The following AUTS2 variants were observed in gnomAD, a reference collection of about 807,000 sequenced individuals.
AUTS2 encodes the protein autism susceptibility gene 2 protein.
In AUTS2, 17 loss-of-function variants were observed where a neutral mutation model predicts 112.4. The observed-to-expected ratio is 0.15, with a 90% CI of 0.10 to 0.23. The LOEUF is 0.23. Among genes scored for constraint, AUTS2 ranks in the 10% least tolerant of loss-of-function variants. AUTS2 has a pLI of 1.00. For missense variants in AUTS2, 1,510 were observed against 1,701.6 expected (o/e 0.89, Z 1.98); for synonymous variants, 751 against 702.7 (o/e 1.07, Z -1.09).
intron 8 of AUTS2, among the ~76,000 whole-genome samples, chr7:70,765,443 GGGA>G (rs1789876641): frequency 6.6e-6 from 1 of 152,038 alleles, no homozygotes; most frequent in African/African-American, 2.4e-5. Context: ...CTGTCTCCTT[GGGA>G]GGAGATGACA....
intron 5 of AUTS2, among the ~76,000 whole-genome samples, chr7:70,581,169 G>A (rs1285460801): frequency 1.3e-5 from 2 of 152,082 alleles, no homozygotes; most frequent in African/African-American, 2.4e-5. Flanking sequence ...GATCACCTGA[G>A]GTCGGGAGTT....
chr7:70,700,638 T>G (rs1437044678), intron 6 of AUTS2, among the ~76,000 whole-genome samples: 2 of 152,112 alleles, frequency 1.3e-5, no homozygotes, highest in Non-Finnish European at 2.9e-5. Context: ...GGGACAGTTT[T>G]GTTAAGGGGA....
chr7:70,714,586 C>T (rs1244347422), intron 6 of AUTS2, among the ~76,000 whole-genome samples: 1 of 152,208 alleles, frequency 6.6e-6, no homozygotes, highest in Non-Finnish European at 1.5e-5. Context: ...GACACACATA[C>T]TGCATGTCTT....
intron 4 of AUTS2, among the ~76,000 whole-genome samples, chr7:70,149,551 A>T (rs1221824565): frequency 2.0e-5 from 3 of 152,082 alleles, no homozygotes; most frequent in Non-Finnish European, 4.4e-5. Context: ...GAATAAACAT[A>T]ACCAACTTTC....
chr7:70,598,983 C>T (rs1803336732), intron 5 of AUTS2, among the ~76,000 whole-genome samples: 1 of 152,212 alleles, frequency 6.6e-6, no homozygotes, highest in Admixed American at 6.5e-5. Context: ...TCTTAAAATG[C>T]AAGGTTTGTC....
intron 4 of AUTS2, among the ~76,000 whole-genome samples, chr7:70,265,114 G>GA (rs1262383515): frequency 6.6e-6 from 1 of 151,970 alleles, no homozygotes; most frequent in Non-Finnish European, 1.5e-5. Context: ...TTTAATCTGA[G>GA]AAAAAAATAA....
chr7:69,841,523 A>G (rs1791980194), intron 1 of AUTS2, among the ~76,000 whole-genome samples: 2 of 152,230 alleles, frequency 1.3e-5, no homozygotes, highest in South Asian at 2.1e-4. Context: ...TATCCAAACT[A>G]TAACACAAGG....
intron 2 of AUTS2, among the ~76,000 whole-genome samples, chr7:70,013,357 A>G (rs1397143614): frequency 6.6e-6 from 1 of 152,204 alleles, no homozygotes; most frequent in Non-Finnish European, 1.5e-5. Context: ...GATGAGAAGG[A>G]TCTCCAGCCT....
intron 5 of AUTS2, among the ~76,000 whole-genome samples, chr7:70,445,385 T>A (rs551162920): frequency 1.3e-5 from 2 of 152,252 alleles, no homozygotes; most frequent in South Asian, 4.1e-4. Flanking sequence ...CTCACCTACT[T>A]GTGCTGCAAG....
At chr7:69,841,737 T>C (rs1791990468) in intron 1 of AUTS2, among the ~76,000 whole-genome samples, 1 of 152,194 alleles carries the variant, frequency 6.6e-6, no homozygotes, top group African/African-American at 2.4e-5. Flanking sequence ...CAAATCTTGA[T>C]GGGATCTGGC....
chr7:69,975,846 C>A (rs989688042), intron 2 of AUTS2, among the ~76,000 whole-genome samples: 2 of 151,858 alleles, frequency 1.3e-5, no homozygotes, highest in Non-Finnish European at 2.9e-5. Flanking sequence ...CGCTACCATG[C>A]CCAGCTAATT....
intron 3 of AUTS2, among the ~76,000 whole-genome samples, chr7:70,129,334 T>C (rs923563772): frequency 6.6e-6 from 1 of 152,232 alleles, no homozygotes; most frequent in Admixed American, 6.5e-5. Flanking sequence ...CCTTTTGTTC[T>C]TTTCAGACCT....
At chr7:70,134,483 C>G (rs1028550032) in intron 3 of AUTS2, 53 bp from the exon 4 acceptor site, 1 of 1,525,362 alleles carries the variant, frequency 6.6e-7, no homozygotes, top group East Asian at 2.2e-5. Context: ...TGGATTGGAA[C>G]GTGTTAAAAA....
chr7:70,388,154 C>G (rs1327995025), intron 4 of AUTS2, among the ~76,000 whole-genome samples: 2 of 152,084 alleles, frequency 1.3e-5, no homozygotes, highest in South Asian at 4.2e-4. Context: ...TGTTGAAATC[C>G]TCTCATCCTT....
chr7:70,737,920 G>C (rs1787865715), intron 6 of AUTS2, among the ~76,000 whole-genome samples: 1 of 152,136 alleles, frequency 6.6e-6, no homozygotes, highest in African/African-American at 2.4e-5. Flanking sequence ...TAGCAATAAA[G>C]AGAAGCATTT....
intron 4 of AUTS2, among the ~76,000 whole-genome samples, chr7:70,191,602 G>C (rs1458427888): frequency 6.6e-6 from 1 of 152,156 alleles, no homozygotes; most frequent in Non-Finnish European, 1.5e-5. Flanking sequence ...AAAGTGACTT[G>C]CTTTATCAGG....
chr7:70,092,765 C>A (rs183557292), intron 2 of AUTS2, among the ~76,000 whole-genome samples: 3 of 152,288 alleles, frequency 2.0e-5, no homozygotes, highest in Admixed American at 1.3e-4. Context: ...AGCACAGCTG[C>A]GGTTTTGGAT....
intron 5 of AUTS2, among the ~76,000 whole-genome samples, chr7:70,573,878 T>C (rs571539319): frequency 6.6e-6 from 1 of 152,248 alleles, no homozygotes. Flanking sequence ...TGTGGTTCCA[T>C]ACACTCCTGG....
At chr7:70,769,631 T>G (rs6460555) in intron 10 of AUTS2, among the ~76,000 whole-genome samples, 30,507 of 151,958 alleles carry the variant, frequency 0.2, 3,564 homozygotes, top group East Asian at 0.38. Flanking sequence ...CTTGCAGTGA[T>G]CTGAGACGGC....
Sources: allele counts gnomAD v4.1 joint callset (sites outside exome capture counted in the v4.1 genomes callset), GRCh38; gene constraint gnomAD v4.1.1; transcripts MANE v1.5; gene names NCBI Gene and HGNC (gene_info 2026-07-23, HGNC 2026-07-21).